The following GRM5 variants were observed in gnomAD, a reference collection of about 807,000 sequenced individuals.
The protein encoded by GRM5 is metabotropic glutamate receptor 5.
A neutral mutation model predicts 83.1 loss-of-function variants in GRM5; 19 were observed. The ratio of observed to expected loss-of-function variants is 0.23; its 90% CI spans 0.16 to 0.34. The LOEUF is 0.34. Among genes scored for constraint, GRM5 ranks in the 10% least tolerant of loss-of-function variants. GRM5 has a pLI of 1.00. For missense variants in GRM5, 1,160 were observed against 1,588.3 expected, an observed-to-expected ratio of 0.73 and a Z score of 4.58; for synonymous variants, 675 against 633.6, an observed-to-expected ratio of 1.07 and a Z score of -0.98.
At chr11:88,761,806 C>T (rs1942523253) in intron 3 of GRM5, among the ~76,000 whole-genome samples, 1 of 151,802 alleles carries the variant, frequency 6.6e-6, no homozygotes, top group African/African-American at 2.4e-5. Flanking sequence ...TCCAGCTATA[C>T]TACAGGACTA....
intron 9 of GRM5, among the ~76,000 whole-genome samples, chr11:88,518,601 G>C (rs1253059162): frequency 6.6e-6 from 1 of 151,816 alleles, no homozygotes; most frequent in Non-Finnish European, 1.5e-5. Flanking sequence ...TATTCACTGA[G>C]AATTTCCAAG....
intron 3 of GRM5, among the ~76,000 whole-genome samples, chr11:88,719,988 C>CA (rs1348301428): frequency 6.6e-6 from 1 of 151,926 alleles, no homozygotes; most frequent in Non-Finnish European, 1.5e-5. Flanking sequence ...ACATAGTTTG[C>CA]AAAAATGTTC....
At chr11:88,857,779 G>A (rs921852656) in intron 2 of GRM5, among the ~76,000 whole-genome samples, 3 of 151,976 alleles carry the variant, frequency 2.0e-5, no homozygotes, top group African/African-American at 7.2e-5. Context: ...AAATAAAGAA[G>A]GAAGTTAAAT....
At chr11:89,001,795 C>T (rs1940390996) in intron 2 of GRM5, among the ~76,000 whole-genome samples, 1 of 152,158 alleles carries the variant, frequency 6.6e-6, no homozygotes, top group South Asian at 2.1e-4. Flanking sequence ...AGGGTCCTAA[C>T]ATCAGCAACC....
At chr11:88,869,722 T>C (rs868005690) in intron 2 of GRM5, among the ~76,000 whole-genome samples, 5 of 151,666 alleles carry the variant, frequency 3.3e-5, no homozygotes, top group African/African-American at 1.2e-4. Context: ...TTGAAAAATA[T>C]TTTTATTCTC....
At chr11:88,758,059 T>G (rs7126926) in intron 3 of GRM5, among the ~76,000 whole-genome samples, 21,612 of 151,838 alleles carry the variant, frequency 0.14, 3,690 homozygotes, top group African/African-American at 0.41. Flanking sequence ...AATCAAATCC[T>G]CAAATAAAAA....
chr11:88,683,286 G>A (rs960051150), intron 3 of GRM5, among the ~76,000 whole-genome samples: 53 of 152,154 alleles, frequency 3.5e-4, no homozygotes, highest in African/African-American at 1.2e-3. Context: ...AATCCCTGAT[G>A]TTTCCTGATT....
chr11:88,861,462 G>A (rs1264772494), intron 2 of GRM5, among the ~76,000 whole-genome samples: 2 of 151,474 alleles, frequency 1.3e-5, no homozygotes, highest in Non-Finnish European at 2.9e-5. Context: ...AGTTTTTATT[G>A]TTGTTGTTGT....
chr11:88,521,007 A>C (rs2135098158), intron 9 of GRM5, among the ~76,000 whole-genome samples: 1 of 152,156 alleles, frequency 6.6e-6, no homozygotes, highest in Non-Finnish European at 1.5e-5. Context: ...CTGGCACTGG[A>C]GGGGGACTAG....
chr11:88,960,682 C>T (rs1938755050), intron 2 of GRM5, among the ~76,000 whole-genome samples: 1 of 152,086 alleles, frequency 6.6e-6, no homozygotes, highest in African/African-American at 2.4e-5. Context: ...GTGAGATGAA[C>T]ATGTTTGAGC....
chr11:88,869,248 G>C (rs1488506507), intron 2 of GRM5, among the ~76,000 whole-genome samples: 2 of 151,490 alleles, frequency 1.3e-5, no homozygotes, highest in African/African-American at 4.8e-5. Context: ...TCACTGAAAG[G>C]GTGAATCACT....
chr11:88,884,939 G>A (rs567380692), intron 2 of GRM5, among the ~76,000 whole-genome samples: 29 of 152,108 alleles, frequency 1.9e-4, no homozygotes, highest in South Asian at 1.2e-3. Context: ...TTTATTACCA[G>A]CATGAGATCA....
At chr11:88,547,913 C>T (rs752178358) in intron 8 of GRM5, among the ~76,000 whole-genome samples, 1 of 152,146 alleles carries the variant, frequency 6.6e-6, no homozygotes, top group Non-Finnish European at 1.5e-5. Flanking sequence ...ATGTTTTCTT[C>T]TTTAACCAGC....
rs190371612 is a variant in GRM5, at chr11:89,045,392, T to C, written c.661+1820A>G. ...TAGTTTTGCTCTTCTCTGAGAACAA[T>C]TCTATGAAGATCCAATCAAATTGTT... On this transcript the variant is annotated intron_variant, in intron 2 of 9. Transcript: ENST00000305447. Among the ~76,000 whole-genome samples the C allele has an allele frequency of 3.5e-3, 533 of 152,278 alleles. 3 individuals are homozygous for C. Among genetic ancestry groups the C allele is most frequent in the African/African-American group, 0.012 (503 of 41,576 alleles).
intron 2 of GRM5, among the ~76,000 whole-genome samples, chr11:88,888,423 G>A (rs1317356892): frequency 6.6e-6 from 1 of 152,160 alleles, no homozygotes; most frequent in Non-Finnish European, 1.5e-5. Flanking sequence ...CAGGAAGAGA[G>A]GCAATACCTC....
chr11:88,703,985 G>A (rs1941095254), intron 3 of GRM5, among the ~76,000 whole-genome samples: 1 of 151,990 alleles, frequency 6.6e-6, no homozygotes, highest in Non-Finnish European at 1.5e-5. Context: ...AGGCTAGGGA[G>A]TCCACAGTTA....
Position 88,727,125 on chromosome 11 carries a change from G to GTGC in GRM5, c.912-73725_912-73723dup, listed in dbSNP as rs1241923210. ...GGATAAAGAGTCAAGACCCATCAGT[G>GTGC]TGCTGTATTCAGGAGACCCATCTCA... is the stretch of plus-strand genomic sequence containing the variant. On this transcript the variant is annotated intron_variant, in intron 3 of 9. Coordinates refer to ENST00000305447, the MANE Select transcript of GRM5 (RefSeq NM_001143831.3). Among the ~76,000 whole-genome samples, 8 of 152,288 alleles carry GTGC rather than the reference G, an allele frequency of 5.3e-5. No individual in the cohort carries two copies. The South Asian group carries it at 1.7e-3, about 32-fold the overall frequency.
intron 2 of GRM5, among the ~76,000 whole-genome samples, chr11:88,941,268 G>A (rs142641476): frequency 0.014 from 2,088 of 151,300 alleles, 17 homozygotes; most frequent in Non-Finnish European, 0.022. Flanking sequence ...CAGTTTAAAG[G>A]CGACCCCATT....
chr11:88,944,009 C>A (rs1467289885), intron 2 of GRM5, among the ~76,000 whole-genome samples: 1 of 151,930 alleles, frequency 6.6e-6, no homozygotes, highest in East Asian at 1.9e-4. Context: ...AAATGCTTGG[C>A]ACTTTAATAG....
Sources: gnomAD v4.1 joint callset for allele counts (sites outside exome capture counted in the v4.1 genomes callset) on GRCh38, gnomAD v4.1.1 for gene constraint, MANE v1.5 for transcripts, NCBI Gene and HGNC (gene_info 2026-07-23, HGNC 2026-07-21) for gene names.